Variants in CHD6 observed in about 807,000 individuals in gnomAD.
CHD6 encodes chromodomain helicase DNA binding protein 6.
In CHD6, 50 loss-of-function variants were observed where a neutral mutation model predicts 276.9. The observed-to-expected ratio is 0.18, with a 90% CI of 0.14 to 0.23. The LOEUF (loss-of-function observed/expected upper bound fraction) is 0.23. Ranked by LOEUF, CHD6 falls within the 10% of genes least tolerant of loss-of-function variation. The probability of loss-of-function intolerance (pLI) is 1.00; values close to 1 mark genes in which losing one functional copy is unlikely to be tolerated. For missense variants in CHD6, 2,564 were observed against 3,365.8 expected, an observed-to-expected ratio of 0.76 and a Z score of 5.89; for synonymous variants, 1,173 against 1,229.3, an observed-to-expected ratio of 0.95 and a Z score of 0.96.
At chr20:41,406,671 C>A (rs1375937168) in intron 36 of CHD6, among the ~76,000 whole-genome samples, 1 of 152,228 alleles carries the variant, frequency 6.6e-6, no homozygotes, top group South Asian at 2.1e-4. Flanking sequence ...GAGAGAATTT[C>A]TTCCCACAGA....
At chr20:41,420,224 C>A (rs2047140204) in intron 31 of CHD6, among the ~76,000 whole-genome samples, 1 of 152,202 alleles carries the variant, frequency 6.6e-6, no homozygotes. Context: ...CCCCTTAACA[C>A]CATACATAGC....
At chr20:41,573,815 G>A (rs954477190) in intron 1 of CHD6, among the ~76,000 whole-genome samples, 2 of 152,126 alleles carry the variant, frequency 1.3e-5, no homozygotes, top group East Asian at 3.9e-4. Flanking sequence ...GAAAACATGG[G>A]TAGTTCACTC....
At chr20:41,492,878 G>A (rs1004595902) in intron 10 of CHD6, among the ~76,000 whole-genome samples, 3 of 152,182 alleles carry the variant, frequency 2.0e-5, no homozygotes, top group Non-Finnish European at 2.9e-5. Context: ...CTGAGATTGT[G>A]CCACTGCACT....
At position 41,404,560 on chromosome 20, in the gene CHD6, C is replaced by A. The variant is rs376824126; in HGVS notation, c.*33G>T. ...AAACCTTTATGGGATAAGAAACTTA[C>A]AAGTCACAATAATTTCTTAAATGAA... On this transcript the variant is annotated 3_prime_UTR_variant, in exon 37 of 37. Coordinates refer to ENST00000373233, the MANE Select transcript of CHD6 (RefSeq NM_032221.5). 359 of 1,469,368 alleles carry A rather than the reference C, an allele frequency of 2.4e-4. No individual in the cohort carries two copies. Among genetic ancestry groups the A allele is most frequent in the Non-Finnish European group, 3.0e-4 (337 of 1,108,470 alleles). 91.0% of individuals were successfully genotyped at this position (1,469,368 alleles called of 1,614,324 possible).
intron 25 of CHD6, among the ~76,000 whole-genome samples, chr20:41,440,488 T>C (rs2047867651): frequency 6.6e-6 from 1 of 152,214 alleles, no homozygotes; most frequent in South Asian, 2.1e-4. Context: ...CTTGTTTTCT[T>C]ACAGCTCATT....
Position 41,473,819 on chromosome 20 carries a change from C to T in CHD6, c.2469-302G>A, listed in dbSNP as rs572888704. Among the ~76,000 whole-genome samples, 139 of 152,290 alleles carry T rather than the reference C, an allele frequency of 9.1e-4. No individual in the cohort carries two copies. Among genetic ancestry groups the T allele is most frequent in the Admixed American group, 3.2e-3 (49 of 15,308 alleles). ...AATTAAATCATAAAATACCGATCCC[C>T]ATAGCCCAAGCAACTTATTCTCTCA... On this transcript the variant is annotated intron_variant, in intron 16 of 36. Transcript: ENST00000373233. The surrounding 1 kb of genome is among the most constrained non-coding windows in gnomAD (Gnocchi z 4.1).
At chr20:41,494,658 A>G (rs1428095397) in intron 8 of CHD6, among the ~76,000 whole-genome samples, 1 of 152,190 alleles carries the variant, frequency 6.6e-6, no homozygotes, top group African/African-American at 2.4e-5. Flanking sequence ...CCGTTCACCC[A>G]GGTCTTTCTT....
intron 2 of CHD6, among the ~76,000 whole-genome samples, chr20:41,541,749 A>G (rs771976113): frequency 6.6e-6 from 1 of 152,256 alleles, no homozygotes; most frequent in African/African-American, 2.4e-5. Flanking sequence ...GTGAAGCACT[A>G]AAGAGTGGTC....
chr20:41,413,508 T>C lies in CHD6; in HGVS notation c.6947A>G (p.His2316Arg), dbSNP rs143152984. 8 of 1,552,498 alleles carry C rather than the reference T, an allele frequency of 5.2e-6. No homozygotes were observed. Among genetic ancestry groups the C allele is most frequent in the Middle Eastern group, 2.1e-4 (1 of 4,798 alleles). Residue 2316 changes from histidine to arginine, a missense_variant, in exon 35 of 37, where the codon CAT (histidine) becomes CGT (arginine). Transcript: ENST00000373233. Reference protein sequence around the residue: ...QTLQAGILEVHEDPGQATLST... With the variant: ...QTLQAGILEVREDPGQATLST... ...CAAGGTGGCCTGCCCTGGGTCTTCATGGACTTCCTGGATGAAGGAAAAACG... is the reference window on the plus strand; with the variant it reads ...CAAGGTGGCCTGCCCTGGGTCTTCACGGACTTCCTGGATGAAGGAAAAACG...
chr20:41,502,434 T>A (rs1473912962), intron 5 of CHD6, among the ~76,000 whole-genome samples: 4 of 152,238 alleles, frequency 2.6e-5, no homozygotes, highest in Admixed American at 2.0e-4. Context: ...AAGTGCTCAA[T>A]AGGCACATGT....
chr20:41,609,977 C>T (rs989117286), intron 1 of CHD6, among the ~76,000 whole-genome samples: 6 of 151,818 alleles, frequency 4.0e-5, no homozygotes, highest in Non-Finnish European at 7.4e-5. Flanking sequence ...CTGCCTCAGC[C>T]TCCCAAGTAG....
chr20:41,489,148 G>A (rs1421933645), intron 12 of CHD6, among the ~76,000 whole-genome samples: 1 of 152,164 alleles, frequency 6.6e-6, no homozygotes, highest in African/African-American at 2.4e-5. Context: ...GCTGCATCAT[G>A]TTAGAGCACT....
chr20:41,417,418 T>C (rs1239983457), intron 31 of CHD6, 69 bp from the exon 32 acceptor site: 38 of 1,352,322 alleles, frequency 2.8e-5, no homozygotes, highest in Middle Eastern at 1.9e-4. Flanking sequence ...TCTGAGAGAT[T>C]AGGATATCCT....
chr20:41,589,707 C>T (rs540762905), intron 1 of CHD6, among the ~76,000 whole-genome samples: 32 of 152,142 alleles, frequency 2.1e-4, no homozygotes, highest in African/African-American at 6.0e-4. Context: ...CACTGCTCAA[C>T]GAAATAAAAG....
chr20:41,452,789 A>T lies in CHD6; in HGVS notation c.3274T>A (p.Tyr1092Asn). 6.2e-7 allele frequency: 1 copy of T among 1,613,470 alleles called. No homozygotes were observed. Among genetic ancestry groups the T allele is most frequent in the Non-Finnish European group, 8.5e-7 (1 of 1,179,898 alleles). Residue 1092 changes from tyrosine (Y) to asparagine (N), a missense_variant, in exon 21 of 37, where the codon TAC becomes AAC. By Grantham distance (143) the Tyr-to-Asn change is moderately radical. This residue lies in a region of CHD6 where 515 missense variants were observed against 739.5 expected (regional missense o/e 0.70). Transcript: ENST00000373233. This position sits in a 1 kb window ranked among gnomAD's most constrained non-coding sequence, Gnocchi z 4.2. ...SRRLNDKARR[Y>N]LRAECFRVEK... ...ACCCGGAAGCACTCCGCTCGGAGGT[A>T]GCGCCTGGCTTTGTCATTGAGGCGC...
chr20:41,438,000 G>A (rs1453492797), intron 26 of CHD6, among the ~76,000 whole-genome samples: 1 of 152,186 alleles, frequency 6.6e-6, no homozygotes, highest in South Asian at 2.1e-4. Context: ...CCCATCAAGA[G>A]TCATCTGAAC....
At chr20:41,505,053 G>A (rs1041952634) in intron 5 of CHD6, among the ~76,000 whole-genome samples, 2 of 152,130 alleles carry the variant, frequency 1.3e-5, no homozygotes, top group Non-Finnish European at 2.9e-5. Flanking sequence ...TTATTTTACT[G>A]TTTTTGGAAC....
At position 41,514,935 on chromosome 20, in the gene CHD6, G is replaced by A. The variant is rs773048415; in HGVS notation, c.572C>T (p.Thr191Ile). ...SRKASKEQGP[T>I]PVEKKKKGKR... ...TCCTTTCTTCTTTTTCTCCACTGGG[G>A]TTGGTCCTTGCTCCTTGCTACAAGG... The change falls in exon 4 of 37, where the codon ACC becomes ATC. Residue 191 changes from threonine to isoleucine, a missense_variant. Thr to Ile is a moderately conservative substitution (Grantham distance 89, BLOSUM62 -1). Coordinates refer to ENST00000373233, the MANE Select transcript of CHD6 (RefSeq NM_032221.5). 7 of 1,613,914 alleles carry A rather than the reference G, an allele frequency of 4.3e-6. No individual in the cohort carries two copies. Among genetic ancestry groups the A allele is most frequent in the Non-Finnish European group, 3.4e-6 (4 of 1,179,906 alleles).
At chr20:41,568,246 A>G (rs1338163887) in intron 1 of CHD6, among the ~76,000 whole-genome samples, 1 of 152,246 alleles carries the variant, frequency 6.6e-6, no homozygotes, top group South Asian at 2.1e-4. Context: ...CTTGAGGGAT[A>G]TAACCGTACA....
Sources: allele counts gnomAD v4.1 joint callset (sites outside exome capture counted in the v4.1 genomes callset), GRCh38; gene constraint gnomAD v4.1.1; regional missense constraint gnomAD v4.1.1; non-coding constraint Gnocchi (gnomAD v3.1); transcripts MANE v1.5; gene names NCBI Gene and HGNC (gene_info 2026-07-23, HGNC 2026-07-21).